Variants in HSD17B12 observed in about 807,000 individuals in gnomAD.
HSD17B12 encodes the protein hydroxysteroid 17-beta dehydrogenase 12.
A neutral mutation model predicts 39.3 loss-of-function variants in HSD17B12; 32 were observed. The ratio of observed to expected loss-of-function variants is 0.81; its 90% CI spans 0.61 to 1.09. HSD17B12 has a LOEUF of 1.09. Among genes scored for constraint, HSD17B12 ranks in the 50% least tolerant of loss-of-function variants. The pLI, the probability that HSD17B12 is intolerant of heterozygous loss-of-function variation, is 0.00. For synonymous variants in HSD17B12, 150 were observed against 146.7 expected (o/e 1.02, Z -0.16); for missense variants, 342 against 382.9 (o/e 0.89, Z 0.89).
At chr11:43,580,807 C>G in the HSD17B12 span, among the ~76,000 whole-genome samples, 1 of 151,826 alleles carries the variant, frequency 6.6e-6, no homozygotes, top group Non-Finnish European at 1.5e-5. Flanking sequence ...TTCTCCCTCC[C>G]CCTTCTGAAA....
At chr11:43,837,455 C>T (rs1380602026) in intron 7 of HSD17B12, among the ~76,000 whole-genome samples, 1 of 152,072 alleles carries the variant, frequency 6.6e-6, no homozygotes, top group African/African-American at 2.4e-5. Context: ...ACTCCTAAAC[C>T]ATAATTCTAC....
the HSD17B12 span, among the ~76,000 whole-genome samples, chr11:43,572,290 C>T: frequency 6.6e-6 from 1 of 152,164 alleles, no homozygotes; most frequent in Non-Finnish European, 1.5e-5. Context: ...ATGGAGGGGT[C>T]TCTTCTCACA....
chr11:43,598,766 G>A, the HSD17B12 span, among the ~76,000 whole-genome samples: 1 of 152,140 alleles, frequency 6.6e-6, no homozygotes, highest in Non-Finnish European at 1.5e-5. Context: ...ACGTCAGAGT[G>A]GGGTATGCGG....
At chr11:43,572,152 CA>C in the HSD17B12 span, among the ~76,000 whole-genome samples, 2 of 152,150 alleles carry the variant, frequency 1.3e-5, no homozygotes, top group African/African-American at 2.4e-5. Context: ...TGAGTGGAAG[CA>C]TGCTTGGATG....
chr11:43,640,534 G>A, the HSD17B12 span, among the ~76,000 whole-genome samples: 2 of 151,944 alleles, frequency 1.3e-5, no homozygotes, highest in Non-Finnish European at 1.5e-5. Flanking sequence ...AAGGCCTTTC[G>A]AAACTTAGAA....
the HSD17B12 span, among the ~76,000 whole-genome samples, chr11:43,572,949 C>T: frequency 6.6e-6 from 1 of 152,174 alleles, no homozygotes; most frequent in African/African-American, 2.4e-5. Flanking sequence ...ACATTACCTA[C>T]TGGCATTTTT....
chr11:43,637,464 G>A, the HSD17B12 span, among the ~76,000 whole-genome samples: 4 of 152,102 alleles, frequency 2.6e-5, no homozygotes, highest in Admixed American at 1.3e-4. Context: ...CAGGTGATCC[G>A]CAGGCCTTGG....
rs1206545700 is a variant in HSD17B12 at position 43,690,404 on chromosome 11, A to ATTTT, written c.160+9431_160+9434dup. ...TATATATATATATATATATATATATATTTTTTTTTTTTTTTTTCTGAGACA... is the reference window on the plus strand; with the variant it reads ...TATATATATATATATATATATATATATTTTTTTTTTTTTTTTTTTTTCTGAGACA... On this transcript the variant is annotated intron_variant, in intron 1 of 10. Transcript: ENST00000278353. Among the ~76,000 whole-genome samples, 135 of 24,942 alleles carry ATTTT rather than the reference A, an allele frequency of 5.4e-3. 12 individuals are homozygous for ATTTT. Among genetic ancestry groups the ATTTT allele is most frequent in the Non-Finnish European group, 7.3e-3 (106 of 14,556 alleles). 16.4% of individuals were successfully genotyped at this position (24,942 alleles called of 152,430 possible).
the HSD17B12 span, among the ~76,000 whole-genome samples, chr11:43,590,899 G>T: frequency 1.3e-5 from 2 of 150,860 alleles, no homozygotes; most frequent in African/African-American, 4.9e-5. Flanking sequence ...GCTACAGGTG[G>T]GTGTTCTATG....
chr11:43,680,072 T>A (rs74555467), upstream of HSD17B12, among the ~76,000 whole-genome samples: 1 of 4,318 alleles, frequency 2.3e-4, no homozygotes, highest in East Asian at 0.17. Flanking sequence ...ATTTCTTTTC[T>A]TTTTTTTTTT....
At chr11:43,619,170 T>TATATC in the HSD17B12 span, among the ~76,000 whole-genome samples, 1 of 79,202 alleles carries the variant, frequency 1.3e-5, no homozygotes, top group African/African-American at 4.4e-5. Flanking sequence ...ATATGATATA[T>TATATC]ATATATATAT....
chr11:43,706,835 A>G (rs1347367767), intron 1 of HSD17B12, among the ~76,000 whole-genome samples: 1 of 152,144 alleles, frequency 6.6e-6, no homozygotes, highest in East Asian at 1.9e-4. Context: ...TATGCTGACT[A>G]GTAAAATAAT....
chr11:43,586,597 A>C, the HSD17B12 span, among the ~76,000 whole-genome samples: 1 of 152,212 alleles, frequency 6.6e-6, no homozygotes, highest in African/African-American at 2.4e-5. Flanking sequence ...TTTCAAACCC[A>C]GTAAAGATCT....
At chr11:43,850,745 G>T (rs1951522737) in intron 9 of HSD17B12, among the ~76,000 whole-genome samples, 1 of 152,172 alleles carries the variant, frequency 6.6e-6, no homozygotes, top group Non-Finnish European at 1.5e-5. Context: ...TAAGCAAGCT[G>T]CTCCAGTGGG....
chr11:43,801,333 G>A (rs1212296167), intron 4 of HSD17B12, among the ~76,000 whole-genome samples: 1 of 151,996 alleles, frequency 6.6e-6, no homozygotes, highest in Non-Finnish European at 1.5e-5. Flanking sequence ...AGCCAGTGGG[G>A]TAGGAAAAAG....
chr11:43,637,323 C>A, the HSD17B12 span, among the ~76,000 whole-genome samples: 1 of 149,928 alleles, frequency 6.7e-6, no homozygotes, highest in Non-Finnish European at 1.5e-5. Flanking sequence ...CAGGTTCCAG[C>A]GATTCTCCTG....
chr11:43,842,019 G>A (rs910069893), intron 9 of HSD17B12, among the ~76,000 whole-genome samples: 17 of 152,140 alleles, frequency 1.1e-4, no homozygotes, highest in Non-Finnish European at 1.5e-5. Flanking sequence ...GAGAGGGTAA[G>A]CCACTTGCCC....
chr11:43,733,858 C>A, intron 1 of HSD17B12: 1 of 675,710 alleles, frequency 1.5e-6, no homozygotes, highest in African/African-American at 1.8e-5. Context: ...GGATGCTGGG[C>A]ACAGAGCTGC....
At chr11:43,815,167 C>CA (rs1951110072) in intron 4 of HSD17B12, among the ~76,000 whole-genome samples, 1 of 152,024 alleles carries the variant, frequency 6.6e-6, no homozygotes. Flanking sequence ...ATACATATCC[C>CA]AAAGGGCTAT....
Sources: allele counts gnomAD v4.1 joint callset (sites outside exome capture counted in the v4.1 genomes callset), GRCh38; gene constraint gnomAD v4.1.1; transcripts MANE v1.5; gene names NCBI Gene and HGNC (gene_info 2026-07-23, HGNC 2026-07-21).